ZNF521: variants seen among roughly 807,000 people sequenced by gnomAD.
ZNF521 encodes zinc finger protein 521, also known as LYST-interacting protein 3.
Under a neutral mutation model 105.5 loss-of-function variants are expected in ZNF521, and 14 were observed. That is an observed-to-expected ratio of 0.13 (90% confidence interval 0.09 to 0.21). ZNF521 has a LOEUF of 0.21. Among genes scored for constraint, ZNF521 ranks in the 10% least tolerant of loss-of-function variants. The pLI is 1.00. For synonymous variants in ZNF521, 635 were observed against 606.0 expected, an observed-to-expected ratio of 1.05 and a Z score of -0.70; for missense variants, 1,233 against 1,629.7, an observed-to-expected ratio of 0.76 and a Z score of 4.19.
At chr18:25,318,351 T>C (rs1430402860) in intron 3 of ZNF521, among the ~76,000 whole-genome samples, 2 of 152,160 alleles carry the variant, frequency 1.3e-5, no homozygotes, top group Non-Finnish European at 2.9e-5. Flanking sequence ...GAGGGAACTT[T>C]CTGGGATGAA....
intron 7 of ZNF521, among the ~76,000 whole-genome samples, chr18:25,073,327 A>C (rs1951604152): frequency 6.6e-6 from 1 of 152,190 alleles, no homozygotes; most frequent in Admixed American, 6.5e-5. Context: ...TGAATCCCGG[A>C]AGGTTTTTGA....
At chr18:25,160,723 T>A (rs1028831064) in intron 5 of ZNF521, among the ~76,000 whole-genome samples, 2 of 152,228 alleles carry the variant, frequency 1.3e-5, no homozygotes, top group African/African-American at 2.4e-5. Flanking sequence ...TCCTCTGATA[T>A]TTCCATTGCT....
intron 4 of ZNF521, chr18:25,223,894 C>T (rs1363387326): frequency 4.4e-6 from 1 of 228,632 alleles, no homozygotes; most frequent in Non-Finnish European, 8.7e-6. Flanking sequence ...ATTAAAAAGC[C>T]ACCCCTACCC....
At chr18:25,282,545 C>T (rs1255199514) in intron 3 of ZNF521, among the ~76,000 whole-genome samples, 1 of 152,044 alleles carries the variant, frequency 6.6e-6, no homozygotes, top group African/African-American at 2.4e-5. Context: ...AAAGTGTGAG[C>T]TTGCACATGG....
intron 3 of ZNF521, among the ~76,000 whole-genome samples, chr18:25,309,070 T>C (rs566673934): frequency 6.6e-6 from 1 of 152,330 alleles, no homozygotes; most frequent in East Asian, 1.9e-4. Context: ...GGTTCTTTGC[T>C]CTTTTGCTAG....
chr18:25,099,554 A>G (rs1029946514), intron 5 of ZNF521, among the ~76,000 whole-genome samples: 9 of 152,214 alleles, frequency 5.9e-5, no homozygotes, highest in Admixed American at 5.9e-4. Flanking sequence ...AAAAAGTGCC[A>G]TATCAAAGAA....
chr18:25,177,485 T>C (rs9951749), intron 5 of ZNF521, among the ~76,000 whole-genome samples: 27,532 of 151,374 alleles, frequency 0.18, 2,609 homozygotes, highest in East Asian at 0.34. Flanking sequence ...AAATAAAGCA[T>C]GTCCAAGAAA....
At chr18:25,176,497 C>T (rs41303041) in intron 5 of ZNF521, among the ~76,000 whole-genome samples, 1,684 of 152,266 alleles carry the variant, frequency 0.011, 15 homozygotes, top group Middle Eastern at 0.051. Flanking sequence ...CCCTTGATGC[C>T]AGGCATTCAT....
chr18:25,349,574 C>G (rs1351018621), intron 2 of ZNF521, among the ~76,000 whole-genome samples: 8 of 152,144 alleles, frequency 5.3e-5, no homozygotes, highest in Non-Finnish European at 8.8e-5. Flanking sequence ...CTCCGTTCAT[C>G]GAGTTCAAAA....
intron 5 of ZNF521, among the ~76,000 whole-genome samples, chr18:25,165,397 G>A (rs1413956356): frequency 6.6e-6 from 1 of 152,164 alleles, no homozygotes; most frequent in Non-Finnish European, 1.5e-5. Flanking sequence ...AATCCCTGTG[G>A]AAGCTTCTTC....
At chr18:25,182,610 C>G (rs2035651029) in intron 5 of ZNF521, among the ~76,000 whole-genome samples, 1 of 152,074 alleles carries the variant, frequency 6.6e-6, no homozygotes, top group African/African-American at 2.4e-5. Context: ...TATACGTAAT[C>G]TCAAAACAAA....
intron 3 of ZNF521, among the ~76,000 whole-genome samples, chr18:25,251,707 C>G (rs941724335): frequency 6.6e-6 from 1 of 152,204 alleles, no homozygotes; most frequent in Non-Finnish European, 1.5e-5. Flanking sequence ...ATCCACTATA[C>G]AGGCCAACGT....
intron 5 of ZNF521, among the ~76,000 whole-genome samples, chr18:25,167,840 C>A (rs2035373830): frequency 1.3e-5 from 2 of 152,112 alleles, no homozygotes; most frequent in African/African-American, 4.8e-5. Context: ...TGTTCCGCTC[C>A]CTCATTACTT....
chr18:25,307,719 G>A (rs572849031), intron 3 of ZNF521, among the ~76,000 whole-genome samples: 1 of 152,290 alleles, frequency 6.6e-6, no homozygotes, highest in South Asian at 2.1e-4. Flanking sequence ...CCAGGATGAA[G>A]TCATAAAAGA....
intron 5 of ZNF521, among the ~76,000 whole-genome samples, chr18:25,159,316 G>A (rs534612238): frequency 2.0e-5 from 3 of 152,224 alleles, no homozygotes; most frequent in African/African-American, 4.8e-5. Context: ...ACATTTATTT[G>A]CTATGTTGCC....
chr18:25,254,853 T>C (rs1398257710), intron 3 of ZNF521, among the ~76,000 whole-genome samples: 1 of 152,140 alleles, frequency 6.6e-6, no homozygotes. Context: ...CTTGGACTTC[T>C]ATAATGGAAT....
At chr18:25,287,199 C>T (rs1374771700) in intron 3 of ZNF521, among the ~76,000 whole-genome samples, 1 of 152,174 alleles carries the variant, frequency 6.6e-6, no homozygotes, top group Non-Finnish European at 1.5e-5. Context: ...GCCTGGTCGG[C>T]TTCTCTTCTG....
At chr18:25,243,103 A>G (rs149917741) in intron 3 of ZNF521, among the ~76,000 whole-genome samples, 16 of 152,200 alleles carry the variant, frequency 1.1e-4, no homozygotes, top group Middle Eastern at 3.4e-3. Context: ...TCACCTGTAG[A>G]TTTTGGAATG....
chr18:25,239,888 C>CA (rs1277508405), intron 3 of ZNF521, among the ~76,000 whole-genome samples: 1 of 151,984 alleles, frequency 6.6e-6, no homozygotes, highest in African/African-American at 2.4e-5. Context: ...CTCTGGCTAC[C>CA]AGGGGGTATT....
Sources: allele counts gnomAD v4.1 joint callset (sites outside exome capture counted in the v4.1 genomes callset), GRCh38; gene constraint gnomAD v4.1.1; transcripts MANE v1.5; gene names NCBI Gene and HGNC (gene_info 2026-07-23, HGNC 2026-07-21).